RCAN3: variants seen among roughly 807,000 people sequenced by gnomAD.
RCAN3 encodes calcipressin-3.
Under a neutral mutation model 21.9 loss-of-function variants are expected in RCAN3, and 19 were observed. The observed-to-expected ratio is 0.87, with a 90% CI of 0.61 to 1.27. RCAN3 has a LOEUF of 1.27. RCAN3 is among the 50% of genes most tolerant of loss of function. The probability of loss-of-function intolerance (pLI) is 0.00; values close to 1 mark genes in which losing one functional copy is unlikely to be tolerated. For missense variants in RCAN3, 240 were observed against 300.1 expected, an observed-to-expected ratio of 0.80 and a Z score of 1.48; for synonymous variants, 114 against 112.3, an observed-to-expected ratio of 1.01 and a Z score of -0.09.
At chr1:24,521,115 A>C (rs1338863397) in intron 2 of RCAN3, among the ~76,000 whole-genome samples, 1 of 152,200 alleles carries the variant, frequency 6.6e-6, no homozygotes, top group African/African-American at 2.4e-5. Flanking sequence ...AAACATAGAG[A>C]TGGATGGAAT....
intron 2 of RCAN3, among the ~76,000 whole-genome samples, chr1:24,530,049 C>T (rs1450901485): frequency 6.7e-6 from 1 of 149,218 alleles, no homozygotes; most frequent in Admixed American, 6.7e-5. Context: ...ACAGCTGAAA[C>T]AGTACTTAGA....
intron 2 of RCAN3, among the ~76,000 whole-genome samples, chr1:24,523,189 G>C (rs947463643): frequency 6.6e-6 from 1 of 151,426 alleles, no homozygotes; most frequent in East Asian, 1.9e-4. Flanking sequence ...TCAGCCTCCC[G>C]AGTAGCTGGG....
rs772996050 is a variant in RCAN3, at chr1:24,537,347, A to G, written c.*2070A>G. 1 of 152,118 alleles carries G rather than the reference A, an allele frequency of 6.6e-6. No individual in the cohort carries two copies. The highest frequency in any genetic ancestry group is 1.5e-5 in the Non-Finnish European group (1 of 68,014). The allele number at this position is 152,118 out of a possible 1,614,324, so 9.4% of individuals were successfully genotyped here. On this transcript the variant is annotated 3_prime_UTR_variant, in exon 5 of 5. Coordinates refer to ENST00000374395, the MANE Select transcript of RCAN3 (RefSeq NM_013441.4). ...AGACGAGTCATTTAAGCTTTTCTGA[A>G]TGGAAAGTATTAATATTTTCATTTT...
intron 2 of RCAN3, among the ~76,000 whole-genome samples, chr1:24,524,954 C>T (rs1352301206): frequency 4.0e-5 from 6 of 151,708 alleles, no homozygotes; most frequent in African/African-American, 7.3e-5. Flanking sequence ...ATCAGTCTCC[C>T]GTCCTCCCAC....
At chr1:24,521,725 G>T (rs1244735014) in intron 2 of RCAN3, among the ~76,000 whole-genome samples, 1 of 152,144 alleles carries the variant, frequency 6.6e-6, no homozygotes, top group African/African-American at 2.4e-5. Context: ...GTATACGCCT[G>T]TAGTCCCAGC....
intron 1 of RCAN3, among the ~76,000 whole-genome samples, chr1:24,512,176 C>G (rs1647944835): frequency 6.6e-6 from 1 of 152,050 alleles, no homozygotes; most frequent in South Asian, 2.1e-4. Context: ...ATGTGAAACC[C>G]TGTCTCTACT....
At chr1:24,530,918 G>A (rs1353050240) in intron 2 of RCAN3, among the ~76,000 whole-genome samples, 1 of 152,116 alleles carries the variant, frequency 6.6e-6, no homozygotes, top group African/African-American at 2.4e-5. Flanking sequence ...GCTGAGGCAG[G>A]AAAATCACTT....
chr1:24,533,164 GCC>G lies in RCAN3; in HGVS notation c.452_453del (p.Ala151ValfsTer19). On this transcript the variant is annotated frameshift_variant, in exon 4 of 5. Transcript: ENST00000374395. LOFTEE classifies it high-confidence loss of function. ...PVKQFLISPP[A>X]SPPVGWKQSE... Reference sequence around the variant, plus strand: ...CAAGCAGTTCCTCATCTCCCCTCCAGCCTCTCCCCCGGTGGGGTGGAAGCAGA... The same window carrying G: ...CAAGCAGTTCCTCATCTCCCCTCCAGTCTCCCCCGGTGGGGTGGAAGCAGA... The G allele has an allele frequency of 6.2e-7, 1 of 1,606,146 alleles. No homozygotes were observed. Among genetic ancestry groups the G allele is most frequent in the Non-Finnish European group, 8.5e-7 (1 of 1,177,440 alleles).
chr1:24,539,680 A>G lies in RCAN3; in HGVS notation c.*4403A>G, dbSNP rs1367067544. ...ATACAGACTATTTCACAGACCATAG[A>G]TTTATTTTAAAAGGGAAAATCTCAC... On this transcript the variant is annotated 3_prime_UTR_variant, in exon 5 of 5. Coordinates refer to ENST00000374395, the MANE Select transcript of RCAN3 (RefSeq NM_013441.4). 2 of 152,234 alleles carry G rather than the reference A, an allele frequency of 1.3e-5. No homozygotes were observed. Among genetic ancestry groups the G allele is most frequent in the Non-Finnish European group, 2.9e-5 (2 of 68,038 alleles). 9.4% of individuals were successfully genotyped at this position (152,234 alleles called of 1,614,324 possible). A position where few individuals can be genotyped will look rare whatever the true frequency, so the allele number is the denominator to read the frequency against.
chr1:24,503,669 A>G (rs939747374), intron 1 of RCAN3, among the ~76,000 whole-genome samples: 2 of 152,252 alleles, frequency 1.3e-5, no homozygotes, highest in African/African-American at 4.8e-5. Flanking sequence ...TTCCAGGTTG[A>G]TTCTTCTAGC....
chr1:24,537,403 T>A lies in RCAN3; in HGVS notation c.*2126T>A, dbSNP rs1450350027. On this transcript the variant is annotated 3_prime_UTR_variant, in exon 5 of 5. Transcript: ENST00000374395. ...TATAATATAATAAAATGAATTTTTT[T>A]AAAAAAGCTACTAAGTACCCATCAA... 6.6e-6 allele frequency: 1 copy of A among 152,094 alleles called. No individual in the cohort carries two copies. The highest frequency in any genetic ancestry group is 1.5e-5 in the Non-Finnish European group (1 of 68,012). 9.4% of individuals were successfully genotyped at this position (152,094 alleles called of 1,614,324 possible).
At chr1:24,520,395 G>T (rs1648689132) in intron 2 of RCAN3, among the ~76,000 whole-genome samples, 1 of 152,054 alleles carries the variant, frequency 6.6e-6, no homozygotes, top group African/African-American at 2.4e-5. Context: ...GTTGTTGAAA[G>T]AAATTTAAAG....
At chr1:24,516,532 G>A (rs373879982) in intron 2 of RCAN3, among the ~76,000 whole-genome samples, 6 of 152,166 alleles carry the variant, frequency 3.9e-5, no homozygotes, top group African/African-American at 1.4e-4. Flanking sequence ...AAGCCATTCT[G>A]TGTGCTTAGC....
At chr1:24,511,111 AGGCCATCCT>A (rs1647841726) in intron 1 of RCAN3, among the ~76,000 whole-genome samples, 1 of 152,160 alleles carries the variant, frequency 6.6e-6, no homozygotes, top group African/African-American at 2.4e-5. Flanking sequence ...CAAGAGATTG[AGGCCATCCT>A]GGCCAACATG....
At chr1:24,512,247 G>C (rs762064673) in intron 1 of RCAN3, among the ~76,000 whole-genome samples, 4 of 152,026 alleles carry the variant, frequency 2.6e-5, no homozygotes, top group Non-Finnish European at 5.9e-5. Flanking sequence ...TACTTGGGGG[G>C]CTGAGGCAGG....
At chr1:24,532,536 A>T (rs1296710882) in intron 3 of RCAN3, among the ~76,000 whole-genome samples, 1 of 150,914 alleles carries the variant, frequency 6.6e-6, no homozygotes, top group African/African-American at 2.4e-5. Flanking sequence ...CCATCCATTT[A>T]TTTTTTATGC....
At chr1:24,505,916 C>T (rs112665815) in intron 1 of RCAN3, among the ~76,000 whole-genome samples, 222 of 152,278 alleles carry the variant, frequency 1.5e-3, no homozygotes, top group African/African-American at 5.1e-3. Context: ...AAGATCCATG[C>T]CATGTGCTTG....
At chr1:24,515,552 G>C (rs1648248535) in intron 2 of RCAN3, among the ~76,000 whole-genome samples, 1 of 152,072 alleles carries the variant, frequency 6.6e-6, no homozygotes. Flanking sequence ...ACTGGGATGT[G>C]TCTTCCTTGT....
intron 2 of RCAN3, among the ~76,000 whole-genome samples, chr1:24,515,667 G>A (rs962898742): frequency 2.6e-5 from 4 of 152,058 alleles, no homozygotes; most frequent in African/African-American, 9.7e-5. Flanking sequence ...CTTCAATACC[G>A]TTTAACTCAG....
Sources: gnomAD v4.1 joint callset for allele counts (sites outside exome capture counted in the v4.1 genomes callset) on GRCh38, gnomAD v4.1.1 for gene constraint, MANE v1.5 for transcripts, NCBI Gene and HGNC (gene_info 2026-07-23, HGNC 2026-07-21) for gene names.